Variants in MYO18B observed in about 807,000 individuals in gnomAD.
The protein encoded by MYO18B is myosin XVIIIB.
In MYO18B, 204 loss-of-function variants were observed where a neutral mutation model predicts 273.0. The observed-to-expected ratio is 0.75, with a 90% CI of 0.67 to 0.84. The LOEUF (loss-of-function observed/expected upper bound fraction) is 0.84, where lower values mean the gene tolerates loss of function less well. Among genes scored for constraint, MYO18B ranks in the 40% least tolerant of loss-of-function variants. The pLI is 0.00. For synonymous variants in MYO18B, 1,330 were observed against 1,305.7 expected, an observed-to-expected ratio of 1.02 and a Z score of -0.40; for missense variants, 3,212 against 3,287.6, an observed-to-expected ratio of 0.98 and a Z score of 0.56.
intron 12 of MYO18B, among the ~76,000 whole-genome samples, chr22:25,813,485 G>A (rs1368718528): frequency 4.6e-5 from 7 of 152,160 alleles, no homozygotes; most frequent in Admixed American, 4.6e-4. Flanking sequence ...CAAGAATTCT[G>A]GGCAGGAGAC....
chr22:25,966,480 A>G (rs552190943), intron 39 of MYO18B, among the ~76,000 whole-genome samples: 1 of 152,308 alleles, frequency 6.6e-6, no homozygotes, highest in East Asian at 1.9e-4. Context: ...GGCATTCCAC[A>G]TGGAGGGCAT....
chr22:25,954,405 T>G (rs1315498343), intron 38 of MYO18B, among the ~76,000 whole-genome samples: 1 of 151,838 alleles, frequency 6.6e-6, no homozygotes, highest in Non-Finnish European at 1.5e-5. Context: ...TCTCTCTTCA[T>G]TGCACCAGCC....
At position 25,954,861 on chromosome 22, in the gene MYO18B, G is replaced by A. The variant is rs948117919; in HGVS notation, c.5971-318G>A. Among the ~76,000 whole-genome samples the A allele has an allele frequency of 5.9e-5, 9 of 152,032 alleles. No homozygotes were observed. In the South Asian group the frequency reaches 6.2e-4, roughly 11 times the overall value. ...CAAGTAGCAGGGATTACAGGCATGC[G>A]CCACCACGCCCGGCTAATTTTTGTA... On this transcript the variant is annotated intron_variant, in intron 38 of 43. Coordinates refer to ENST00000335473, the MANE Select transcript of MYO18B (RefSeq NM_032608.7).
chr22:25,746,662 C>T (rs2085787799), intron 1 of MYO18B, among the ~76,000 whole-genome samples: 1 of 152,222 alleles, frequency 6.6e-6, no homozygotes, highest in South Asian at 2.1e-4. Flanking sequence ...TCCTCTGTAT[C>T]TGTGCTGTCC....
chr22:25,823,438 T>C, intron 12 of MYO18B, 67 bp from the exon 13 acceptor site: 2 of 1,514,798 alleles, frequency 1.3e-6, no homozygotes, highest in Middle Eastern at 1.7e-4. Context: ...TCCGAGGTCC[T>C]CTCGGGTGTT....
At chr22:25,799,666 G>A (rs373417509) in intron 12 of MYO18B, among the ~76,000 whole-genome samples, 34 of 152,258 alleles carry the variant, frequency 2.2e-4, no homozygotes, top group South Asian at 1.7e-3. Context: ...CATCCTTTCC[G>A]TCATCCCCAC....
chr22:25,823,604 A>G lies in MYO18B; in HGVS notation c.2621A>G (p.His874Arg), dbSNP rs759756313. The change falls in exon 13 of 44, where the codon CAC becomes CGC. Residue 874 changes from histidine to arginine, a missense_variant. Transcript: ENST00000335473. ...CTGAACACGGCCACCTTCAAGCACC[A>G]CCTTCGACAGATCATCCAGCAAATG... ...EELNTATFKHHLRQIIQQMTF... is the reference protein window; with the variant it reads ...EELNTATFKHRLRQIIQQMTF... 6 of 1,613,946 alleles carry G rather than the reference A, an allele frequency of 3.7e-6. No homozygotes were observed. The highest frequency in any genetic ancestry group is 1.7e-5 in the Admixed American group (1 of 60,018).
intron 40 of MYO18B, among the ~76,000 whole-genome samples, chr22:25,992,919 C>T (rs1227575874): frequency 2.0e-5 from 3 of 152,136 alleles, no homozygotes; most frequent in Non-Finnish European, 4.4e-5. Flanking sequence ...TTTCTTAGGG[C>T]TGTTGTTGAG....
chr22:25,840,401 G>A (rs1380764117), intron 17 of MYO18B, among the ~76,000 whole-genome samples: 2 of 152,224 alleles, frequency 1.3e-5, no homozygotes, highest in East Asian at 3.9e-4. Context: ...TGACCTCTTT[G>A]TAAAAAGCGG....
chr22:25,857,315 C>G (rs946675990), intron 21 of MYO18B, among the ~76,000 whole-genome samples: 1 of 152,178 alleles, frequency 6.6e-6, no homozygotes, highest in Non-Finnish European at 1.5e-5. Context: ...CCCTCCTCCC[C>G]GCAAAGTGTC....
At chr22:25,817,375 C>T (rs1226910491) in intron 12 of MYO18B, among the ~76,000 whole-genome samples, 1 of 84,416 alleles carries the variant, frequency 1.2e-5, no homozygotes, top group Admixed American at 1.1e-4. Context: ...CTCCTTCCTT[C>T]TCCCTCCCTC....
chr22:25,767,620 C>T (rs1045394630), intron 3 of MYO18B, among the ~76,000 whole-genome samples: 1 of 152,044 alleles, frequency 6.6e-6, no homozygotes, highest in South Asian at 2.1e-4. Flanking sequence ...AGTGACAGGC[C>T]CTGAGTCCTT....
At chr22:25,990,054 C>T (rs9608440) in intron 39 of MYO18B, among the ~76,000 whole-genome samples, 24,047 of 152,200 alleles carry the variant, frequency 0.16, 2,075 homozygotes, top group African/African-American at 0.19. Flanking sequence ...GCCACCACCA[C>T]GGCGTCCTTC....
the MYO18B span, among the ~76,000 whole-genome samples, chr22:26,041,701 G>A: frequency 6.6e-6 from 1 of 152,178 alleles, no homozygotes; most frequent in Non-Finnish European, 1.5e-5. Context: ...AGACCAGTTT[G>A]GAGGTTATGA....
chr22:25,872,789 C>T (rs543110383), intron 22 of MYO18B, among the ~76,000 whole-genome samples: 4 of 152,222 alleles, frequency 2.6e-5, no homozygotes, highest in South Asian at 2.1e-4. Context: ...AGTTCCAAAA[C>T]ACAGTAAGTG....
intron 11 of MYO18B, among the ~76,000 whole-genome samples, chr22:25,797,479 A>C (rs1456176067): frequency 6.6e-6 from 1 of 152,116 alleles, no homozygotes; most frequent in Non-Finnish European, 1.5e-5. Context: ...CCTATAGCAC[A>C]ACTTACCCTA....
rs267606200 is a variant in MYO18B, at chr22:25,947,786, C to T, written c.5706C>T (p.Asp1902=). The change falls in exon 36 of 44, where the codon GAC becomes GAT. Residue 1902 remains aspartate, a synonymous_variant. Coordinates refer to ENST00000335473, the MANE Select transcript of MYO18B (RefSeq NM_032608.7). The part of the protein sequence containing the change: ...LLKRIDEDQD[D]LNELMQKHKD... Reference sequence around the variant, plus strand: ...AGCGCATCGATGAGGACCAGGATGACCTGAATGAGCTGATGCAGAAGCACA... The same window carrying T: ...AGCGCATCGATGAGGACCAGGATGATCTGAATGAGCTGATGCAGAAGCACA... 6.2e-7 allele frequency: 1 copy of T among 1,613,858 alleles called. No individual in the cohort carries two copies. Among genetic ancestry groups the T allele is most frequent in the Non-Finnish European group, 8.5e-7 (1 of 1,179,872 alleles).
chr22:25,862,176 G>A (rs1601388808), intron 21 of MYO18B, among the ~76,000 whole-genome samples: 1 of 152,082 alleles, frequency 6.6e-6, no homozygotes, highest in East Asian at 1.9e-4. Context: ...TAAATACTGT[G>A]CCATTTTATA....
chr22:25,997,932 A>AACACACACACACACACACAC (rs3070628), intron 40 of MYO18B, among the ~76,000 whole-genome samples: 4 of 144,764 alleles, frequency 2.8e-5, no homozygotes, highest in Non-Finnish European at 6.0e-5. Context: ...CCAGGAGAGA[A>AACACACACACACACACACAC]ACACACACAC....
Sources: gnomAD v4.1 joint callset for allele counts (sites outside exome capture counted in the v4.1 genomes callset) on GRCh38, gnomAD v4.1.1 for gene constraint, MANE v1.5 for transcripts, NCBI Gene and HGNC (gene_info 2026-07-23, HGNC 2026-07-21) for gene names.